Variants in PCDHGB6 observed in about 807,000 individuals in gnomAD.
PCDHGB6 encodes protocadherin gamma-B6.
A neutral mutation model predicts 59.1 loss-of-function variants in PCDHGB6; 51 were observed. The observed-to-expected ratio is 0.86, with a 90% CI of 0.69 to 1.09. The LOEUF is 1.09. PCDHGB6 is among the 50% of genes least tolerant of loss of function. The pLI is 0.00. For synonymous variants in PCDHGB6, 466 were observed against 495.1 expected (o/e 0.94, Z 0.78); for missense variants, 1,148 against 1,205.1 (o/e 0.95, Z 0.70).
At chr5:141,414,473 G>T (rs371832510) in intron 1 of PCDHGB6, 1 of 1,613,908 alleles carries the variant, frequency 6.2e-7, no homozygotes, top group Non-Finnish European at 8.5e-7. Flanking sequence ...GATGGGGGAA[G>T]TCCTCCTCTA....
Position 141,413,864 on chromosome 5 carries a change from T to C in PCDHGB6, c.2418+3244T>C. 3 of 1,613,398 alleles carry C rather than the reference T, an allele frequency of 1.9e-6. No homozygotes were observed. The Admixed American group carries it at 5.0e-5, about 27-fold the overall frequency. ...GGTGACCCTCTCCGATCTGGCACTG[T>C]CCTTGTCAGTGTGACTGTCTTCGAT... On this transcript the variant is annotated intron_variant, in intron 1 of 3. Transcript: ENST00000520790.
intron 1 of PCDHGB6, chr5:141,415,910 A>G: frequency 1.3e-6 from 1 of 757,484 alleles, no homozygotes; most frequent in Non-Finnish European, 1.8e-6. Context: ...ACTTCCATAC[A>G]GAAGTGCCTG....
At chr5:141,415,740 G>GTTTTTGTTTTTTTTTT (rs2095911468) in intron 1 of PCDHGB6, 1 of 515,998 alleles carries the variant, frequency 1.9e-6, no homozygotes, top group Non-Finnish European at 2.6e-6. Context: ...GTTTATTAAG[G>GTTTTTGTTTTTTTTTT]TTTTTTTTTT....
At position 141,491,187 on chromosome 5, in the gene PCDHGB6, G is replaced by A. The variant is rs2099709293; in HGVS notation, c.2419-3620G>A. ...CCCAGCAGGTGGTGGTCCTGGTGAG[G>A]GACAATGGTGACCCTTCACTCTCCT... On this transcript the variant is annotated intron_variant, in intron 1 of 3. Coordinates refer to ENST00000520790, the MANE Select transcript of PCDHGB6 (RefSeq NM_018926.3). The surrounding 1 kb of genome is among the most constrained non-coding windows in gnomAD (Gnocchi z 6.9). The A allele has an allele frequency of 6.2e-7, 1 of 1,614,064 alleles. No homozygotes were observed. The highest frequency in any genetic ancestry group is 1.1e-5 in the South Asian group (1 of 91,080).
At chr5:141,454,409 T>G (rs1221091875) in intron 1 of PCDHGB6, among the ~76,000 whole-genome samples, 1 of 152,162 alleles carries the variant, frequency 6.6e-6, no homozygotes, top group Non-Finnish European at 1.5e-5. Flanking sequence ...TTATTCCTTT[T>G]TATTTATTTA....
intron 1 of PCDHGB6, chr5:141,426,986 C>T (rs764345099): frequency 1.8e-5 from 8 of 456,618 alleles, no homozygotes; most frequent in South Asian, 7.7e-5. Flanking sequence ...CTGATGCCAA[C>T]GATAATGCCC....
intron 1 of PCDHGB6, chr5:141,418,787 G>A: frequency 6.2e-7 from 1 of 1,613,794 alleles, no homozygotes; most frequent in Non-Finnish European, 8.5e-7. Context: ...TTTGGATTTT[G>A]AAGAAGTAGA....
At chr5:141,499,212 G>A (rs904920940) in intron 2 of PCDHGB6, among the ~76,000 whole-genome samples, 1 of 151,898 alleles carries the variant, frequency 6.6e-6, no homozygotes, top group African/African-American at 2.4e-5. Context: ...TGTAACCCAG[G>A]CCCTGCCCTG....
At position 141,487,790 on chromosome 5, in the gene PCDHGB6, C is replaced by T. The variant is rs1360781901; in HGVS notation, c.2419-7017C>T. 6.6e-7 allele frequency: 1 copy of T among 1,511,992 alleles called. No individual in the cohort carries two copies. Among genetic ancestry groups the T allele is most frequent in the Non-Finnish European group, 8.9e-7 (1 of 1,120,458 alleles). The allele number at this position is 1,511,992 out of a possible 1,614,324, so 93.7% of individuals were successfully genotyped here. ...GCTTTGTAACTGTTTCGTGAATTAA[C>T]CAGAGTTGTCACAGTTTAGCATTGG... On this transcript the variant is annotated intron_variant, in intron 1 of 3. Coordinates refer to ENST00000520790, the MANE Select transcript of PCDHGB6 (RefSeq NM_018926.3). This position sits in a 1 kb window ranked among gnomAD's most constrained non-coding sequence, Gnocchi z 5.0.
At position 141,476,943 on chromosome 5, in the gene PCDHGB6, A is replaced by G. The variant is rs538990482; in HGVS notation, c.2419-17864A>G. On this transcript the variant is annotated intron_variant, in intron 1 of 3. Coordinates refer to ENST00000520790, the MANE Select transcript of PCDHGB6 (RefSeq NM_018926.3). This position sits in a 1 kb window ranked among gnomAD's most constrained non-coding sequence, Gnocchi z 7.6. ...GCAACGGATCTGGATGAAGGCCCCA[A>G]CGGTGAAATTATTTACTCCTTCGGC... 14 of 1,614,170 alleles carry G rather than the reference A, an allele frequency of 8.7e-6. No individual in the cohort carries two copies. Among genetic ancestry groups the G allele is most frequent in the South Asian group, 1.1e-5 (1 of 91,086 alleles).
At chr5:141,439,780 T>G (rs1023743000) in intron 1 of PCDHGB6, 1 of 152,228 alleles carries the variant, frequency 6.6e-6, no homozygotes, top group African/African-American at 2.4e-5. Context: ...TGGCTGGAGA[T>G]TCTATAATCC....
At chr5:141,458,630 C>T (rs575289408) in intron 1 of PCDHGB6, among the ~76,000 whole-genome samples, 1 of 151,864 alleles carries the variant, frequency 6.6e-6, no homozygotes, top group Admixed American at 6.6e-5. Flanking sequence ...AGTGCAGTGG[C>T]ACAATCCCAG....
intron 2 of PCDHGB6, among the ~76,000 whole-genome samples, chr5:141,500,774 A>G (rs1479931234): frequency 6.6e-6 from 1 of 152,188 alleles, no homozygotes; most frequent in Non-Finnish European, 1.5e-5. Context: ...TCTTATGAAT[A>G]TACATATTAT....
chr5:141,509,059 C>T (rs1313349089), intron 3 of PCDHGB6, among the ~76,000 whole-genome samples: 2 of 152,182 alleles, frequency 1.3e-5, no homozygotes, highest in Non-Finnish European at 2.9e-5. Flanking sequence ...CCAGAAAGCT[C>T]TCAGCTCCGG....
chr5:141,483,303 T>A (rs1222660132), intron 1 of PCDHGB6, among the ~76,000 whole-genome samples: 1 of 152,146 alleles, frequency 6.6e-6, no homozygotes, highest in Non-Finnish European at 1.5e-5. Context: ...GTGAAGGGAC[T>A]GGGGACATTG....
At chr5:141,449,106 T>A (rs2154562506) in intron 1 of PCDHGB6, among the ~76,000 whole-genome samples, 2 of 152,314 alleles carry the variant, frequency 1.3e-5, no homozygotes, top group East Asian at 3.9e-4. Context: ...ATGCAGTATA[T>A]CTTTGGGATG....
At chr5:141,471,185 A>G (rs58340688) in intron 1 of PCDHGB6, 16,257 of 151,174 alleles carry the variant, frequency 0.11, 890 homozygotes, top group South Asian at 0.15. Context: ...TAGTAGCTGG[A>G]ATTACAGGCA....
intron 1 of PCDHGB6, chr5:141,418,573 C>T (rs749104686): frequency 6.2e-7 from 1 of 1,613,944 alleles, no homozygotes; most frequent in Non-Finnish European, 8.5e-7. Flanking sequence ...CCAATGACAA[C>T]CCCCCAGTGT....
intron 1 of PCDHGB6, among the ~76,000 whole-genome samples, chr5:141,445,356 A>C (rs1333905692): frequency 6.6e-6 from 1 of 152,202 alleles, no homozygotes; most frequent in Non-Finnish European, 1.5e-5. Flanking sequence ...TGTCTGCCCA[A>C]GTCTGGTCCT....
Sources: allele counts gnomAD v4.1 joint callset (sites outside exome capture counted in the v4.1 genomes callset), GRCh38; gene constraint gnomAD v4.1.1; non-coding constraint Gnocchi (gnomAD v3.1); transcripts MANE v1.5; gene names NCBI Gene and HGNC (gene_info 2026-07-23, HGNC 2026-07-21).